The following DAB1 variants were observed in gnomAD, a reference collection of about 807,000 sequenced individuals.
DAB1 encodes disabled homolog 1.
DAB1 carries 15 observed loss-of-function variants against 64.6 expected under a neutral mutation model. The ratio of observed to expected loss-of-function variants is 0.23; its 90% CI spans 0.16 to 0.36. The LOEUF is 0.36. Among genes scored for constraint, DAB1 ranks in the 10% least tolerant of loss-of-function variants. The pLI, the probability that DAB1 is intolerant of heterozygous loss-of-function variation, is 1.00. For missense variants in DAB1, 596 were observed against 706.7 expected (o/e 0.84, Z 1.78); for synonymous variants, 235 against 251.9 (o/e 0.93, Z 0.64).
At position 57,233,255 on chromosome 1, in the gene DAB1, CTTTTTTTTTT is replaced by C. The variant is rs1186221366; in HGVS notation, c.67+57699_67+57708del. 6.4e-4 allele frequency among the ~76,000 whole-genome samples: 39 copies of C among 60,812 alleles called. 1 individual carries two copies. The highest frequency in any genetic ancestry group is 3.4e-4 in the Non-Finnish European group (12 of 35,516). 39.9% of individuals were successfully genotyped at this position (60,812 alleles called of 152,430 possible). On this transcript the variant is annotated intron_variant, in intron 2 of 14. Coordinates refer to ENST00000371236, the MANE Select transcript of DAB1 (RefSeq NM_001365792.1). ...TGCAGCTTCAAGCTTTGCTCCGATT[CTTTTTTTTTT>C]TTTTTTTTTTTTTTTGAGACGGAGT... is the stretch of plus-strand genomic sequence containing the variant.
At chr1:58,446,613 C>T (rs1166378644) in intron 3 of DAB1, among the ~76,000 whole-genome samples, 1 of 152,172 alleles carries the variant, frequency 6.6e-6, no homozygotes, top group Non-Finnish European at 1.5e-5. Context: ...TAGCAAAGGG[C>T]ATTTGAGAGA....
intron 7 of DAB1, among the ~76,000 whole-genome samples, chr1:57,549,076 T>C (rs1644886474): frequency 6.6e-6 from 1 of 151,874 alleles, no homozygotes; most frequent in African/African-American, 2.4e-5. Context: ...TGGTACTGGG[T>C]ATCCTATGAC....
intron 6 of DAB1, among the ~76,000 whole-genome samples, chr1:57,777,873 A>T (rs924581865): frequency 6.6e-6 from 1 of 152,048 alleles, no homozygotes; most frequent in Non-Finnish European, 1.5e-5. Flanking sequence ...TAGTTACTGA[A>T]TTCTAGATTA....
At chr1:57,410,725 T>A (rs528981443) in intron 1 of DAB1, among the ~76,000 whole-genome samples, 4 of 152,196 alleles carry the variant, frequency 2.6e-5, no homozygotes, top group African/African-American at 7.2e-5. Context: ...CTAGCCTGAC[T>A]CACATGAACC....
chr1:58,148,023 C>T (rs1242453501), intron 5 of DAB1, among the ~76,000 whole-genome samples: 1 of 147,460 alleles, frequency 6.8e-6, no homozygotes, highest in Non-Finnish European at 1.5e-5. Context: ...CCAAAGAAAG[C>T]CCCTTGTGTT....
chr1:57,681,460 T>C (rs1352275358), intron 6 of DAB1, among the ~76,000 whole-genome samples: 1 of 152,198 alleles, frequency 6.6e-6, no homozygotes, highest in African/African-American at 2.4e-5. Flanking sequence ...CTTTAACCCA[T>C]TTCTCTATAT....
intron 7 of DAB1, among the ~76,000 whole-genome samples, chr1:57,530,964 A>G (rs1644656297): frequency 6.6e-6 from 1 of 152,150 alleles, no homozygotes; most frequent in East Asian, 1.9e-4. Context: ...GTGTTGGCCA[A>G]TATTGTCAAA....
chr1:57,198,469 AG>A (rs1371200321), intron 2 of DAB1, among the ~76,000 whole-genome samples: 1 of 152,082 alleles, frequency 6.6e-6, no homozygotes, highest in East Asian at 1.9e-4. Context: ...CTAAGTCTAG[AG>A]ACTCATCTTT....
chr1:57,830,827 T>G (rs1023217351), intron 1 of DAB1, among the ~76,000 whole-genome samples: 1 of 152,220 alleles, frequency 6.6e-6, no homozygotes, highest in African/African-American at 2.4e-5. Flanking sequence ...CATATGTGAC[T>G]AGATCCCAAC....
At chr1:57,193,737 T>G (rs543253652) in intron 2 of DAB1, among the ~76,000 whole-genome samples, 8 of 152,316 alleles carry the variant, frequency 5.3e-5, no homozygotes, top group African/African-American at 1.9e-4. Flanking sequence ...ATTTCCAAAT[T>G]TCCACTTTTA....
At chr1:57,547,002 A>G (rs1268906613) in intron 7 of DAB1, among the ~76,000 whole-genome samples, 1 of 152,100 alleles carries the variant, frequency 6.6e-6, no homozygotes, top group Non-Finnish European at 1.5e-5. Flanking sequence ...ATTTTTTTTA[A>G]TGAAAACAAA....
chr1:57,759,539 A>C (rs535889120), intron 6 of DAB1, among the ~76,000 whole-genome samples: 2 of 152,236 alleles, frequency 1.3e-5, no homozygotes, highest in Non-Finnish European at 2.9e-5. Flanking sequence ...TATCTACAAA[A>C]TAGACCTATG....
At chr1:57,746,241 A>T (rs1353978525) in intron 6 of DAB1, among the ~76,000 whole-genome samples, 1 of 152,180 alleles carries the variant, frequency 6.6e-6, no homozygotes, top group East Asian at 1.9e-4. Context: ...GTGTATTTTC[A>T]GAATTACTAG....
intron 4 of DAB1, among the ~76,000 whole-genome samples, chr1:58,224,030 C>T (rs1008163176): frequency 6.6e-6 from 1 of 152,232 alleles, no homozygotes. Flanking sequence ...AGAGGAGAAG[C>T]CACTACCTGC....
At chr1:58,056,054 T>C (rs1648052066) in intron 5 of DAB1, 11 of 883,614 alleles carry the variant, frequency 1.2e-5, no homozygotes, top group Non-Finnish European at 2.0e-5. Context: ...GCATTCTTTT[T>C]TTTTTTTTTT....
intron 7 of DAB1, among the ~76,000 whole-genome samples, chr1:57,569,588 G>T (rs985923046): frequency 6.6e-6 from 1 of 151,722 alleles, no homozygotes. Flanking sequence ...CATACACCGG[G>T]GCCTGTTGTG....
At chr1:57,013,132 G>T (rs919483952) in intron 12 of DAB1, among the ~76,000 whole-genome samples, 1 of 152,226 alleles carries the variant, frequency 6.6e-6, no homozygotes, top group Non-Finnish European at 1.5e-5. Flanking sequence ...CTGAAACAAA[G>T]AATTATCTGG....
chr1:57,473,761 C>G (rs531834094), intron 7 of DAB1, among the ~76,000 whole-genome samples: 31 of 152,250 alleles, frequency 2.0e-4, no homozygotes, highest in African/African-American at 7.5e-4. Flanking sequence ...ATCTGCATAC[C>G]GTGAATACCC....
intron 4 of DAB1, among the ~76,000 whole-genome samples, chr1:58,196,207 T>G (rs923316164): frequency 6.6e-6 from 1 of 152,184 alleles, no homozygotes; most frequent in East Asian, 1.9e-4. Flanking sequence ...GGAAGTAGCA[T>G]GTGCAAATGC....
Sources: gnomAD v4.1 joint callset for allele counts (sites outside exome capture counted in the v4.1 genomes callset) on GRCh38, gnomAD v4.1.1 for gene constraint, MANE v1.5 for transcripts, NCBI Gene and HGNC (gene_info 2026-07-23, HGNC 2026-07-21) for gene names.